Variants in CTBP1 observed in about 807,000 individuals in gnomAD.
CTBP1 encodes C-terminal binding protein 1, also known as C-terminal-binding protein 1.
In CTBP1, 11 loss-of-function variants were observed where a neutral mutation model predicts 42.1. The observed-to-expected ratio is 0.26, with a 90% CI of 0.16 to 0.43. The LOEUF is 0.43. CTBP1 is among the 20% of genes least tolerant of loss of function. CTBP1 has a pLI of 1.00. For synonymous variants in CTBP1, 324 were observed against 277.1 expected (o/e 1.17, Z -1.68); for missense variants, 399 against 624.3 (o/e 0.64, Z 3.85).
At chr4:1,241,941 G>A (rs749252897) in intron 1 of CTBP1, 103 of 1,028,890 alleles carry the variant, frequency 1.0e-4, no homozygotes, top group Non-Finnish European at 1.1e-4. Context: ...TCATGTCACT[G>A]ATTCCCGGGC....
At chr4:1,225,828 G>A (rs1023622038) in intron 4 of CTBP1, among the ~76,000 whole-genome samples, 11 of 152,236 alleles carry the variant, frequency 7.2e-5, no homozygotes, top group African/African-American at 2.4e-4. Flanking sequence ...GGTAGGGCTG[G>A]GGTGTGAGAC....
chr4:1,211,946 C>G lies in CTBP1; in HGVS notation c.*294G>C, dbSNP rs1219355070. The G allele has an allele frequency of 7.0e-6, 2 of 287,094 alleles. No homozygotes were observed. The highest frequency in any genetic ancestry group is 1.3e-5 in the Non-Finnish European group (2 of 156,586). 17.8% of individuals were successfully genotyped at this position (287,094 alleles called of 1,614,324 possible). A position where few individuals can be genotyped will look rare whatever the true frequency, so the allele number is the denominator to read the frequency against. On this transcript the variant is annotated 3_prime_UTR_variant, in exon 10 of 10. Transcript: ENST00000382952. Reference sequence around the variant, plus strand: ...GGTTTTCTTTTTGTTGACAGCTAAGCAAACAGATCCTTTGTAATGTTCTAA... The same window carrying G: ...GGTTTTCTTTTTGTTGACAGCTAAGGAAACAGATCCTTTGTAATGTTCTAA...
rs142091118 is a variant in CTBP1, at chr4:1,241,483, G to T, written c.-152C>A. On this transcript the variant is annotated 5_prime_UTR_variant, in exon 2 of 10. Transcript: ENST00000382952. The stretch of plus-strand genomic sequence containing the variant: ...CAAAGTGCTCAGGCTTCTGATCCGC[G>T]GCAATCACTGAAGCCTGCGTCGGGG... 1.2e-6 allele frequency: 2 copies of T among 1,603,898 alleles called. No homozygotes were observed. The highest frequency in any genetic ancestry group is 1.7e-6 in the Non-Finnish European group (2 of 1,176,862).
intron 9 of CTBP1, 154 bp from the exon 10 acceptor site, chr4:1,212,577 T>G (rs952551525): frequency 1.4e-6 from 1 of 706,384 alleles, no homozygotes; most frequent in Non-Finnish European, 2.2e-6. Flanking sequence ...TTCCTGCCTA[T>G]GGCAGCTACT....
At chr4:1,228,418 C>G in intron 3 of CTBP1, 75 bp from the exon 4 acceptor site, 4 of 1,541,614 alleles carry the variant, frequency 2.6e-6, no homozygotes. Flanking sequence ...GTGGGGCTGC[C>G]CCGGCTGGGA....
At chr4:1,246,528 A>G (rs985323579) in intron 1 of CTBP1, among the ~76,000 whole-genome samples, 1 of 152,196 alleles carries the variant, frequency 6.6e-6, no homozygotes, top group Non-Finnish European at 1.5e-5. Context: ...CTGCATGGGG[A>G]GCACCAGGGC....
At position 1,233,814 on chromosome 4, in the gene CTBP1, G is replaced by A. The variant is rs1006393189; in HGVS notation, c.162+4369C>T. 6.6e-5 allele frequency among the ~76,000 whole-genome samples: 10 copies of A among 152,332 alleles called. No homozygotes were observed. The highest frequency in any genetic ancestry group is 3.9e-4 in the Admixed American group (6 of 15,298). On this transcript the variant is annotated intron_variant, in intron 3 of 9. Transcript: ENST00000382952. The surrounding 1 kb of genome is among the most constrained non-coding windows in gnomAD (Gnocchi z 4.6). The stretch of plus-strand genomic sequence containing the variant: ...GGCGGCGACCTCCAACCAGCTATGC[G>A]GGAAGTTTCTGCCCCAGGAGGCAGA...
chr4:1,241,869 G>C, intron 1 of CTBP1: 1 of 1,119,792 alleles, frequency 8.9e-7, no homozygotes, highest in Non-Finnish European at 1.1e-6. Flanking sequence ...AGGGCACAGG[G>C]TGTGTGCTGT....
At position 1,240,121 on chromosome 4, in the gene CTBP1, G is replaced by A. The variant is rs188642111; in HGVS notation, c.7+1204C>T. The stretch of plus-strand genomic sequence containing the variant: ...CAGACCGCTCGGCTGCGTCAGAACC[G>A]CCTGGGGGGACTCCTGGGTGCTGGG... On this transcript the variant is annotated intron_variant, in intron 2 of 9. Coordinates refer to ENST00000382952, the MANE Select transcript of CTBP1 (RefSeq NM_001012614.2). 7.1e-4 allele frequency among the ~76,000 whole-genome samples: 108 copies of A among 152,300 alleles called. 1 individual carries two copies. In the East Asian group the frequency reaches 0.02, roughly 28 times the overall value.
intron 3 of CTBP1, among the ~76,000 whole-genome samples, chr4:1,231,330 T>C (rs1277117591): frequency 1.3e-5 from 2 of 152,306 alleles, no homozygotes; most frequent in East Asian, 3.9e-4. Flanking sequence ...CAGCCAGGTG[T>C]GTCCCTTTAG....
At position 1,223,411 on chromosome 4, in the gene CTBP1, C is replaced by T. The variant is rs1008190520; in HGVS notation, c.514+1949G>A. 9.9e-5 allele frequency: 45 copies of T among 455,536 alleles called. 3 individuals carry two copies. Among genetic ancestry groups the T allele is most frequent in the Admixed American group, 7.1e-5 (3 of 42,318 alleles). 28.2% of individuals were successfully genotyped at this position (455,536 alleles called of 1,614,324 possible). On this transcript the variant is annotated intron_variant, in intron 5 of 9. Transcript: ENST00000382952. ...TCCATGCACATCCGTGAACCAACCTCTCCCACTAACCTAGGTGTGGCCGCC... is the reference window on the plus strand; with the variant it reads ...TCCATGCACATCCGTGAACCAACCTTTCCCACTAACCTAGGTGTGGCCGCC...
intron 5 of CTBP1, chr4:1,218,000 G>T (rs80061036): frequency 3.3e-5 from 5 of 152,200 alleles, no homozygotes; most frequent in African/African-American, 9.7e-5. Context: ...CCTCTGAAAC[G>T]GAACTCCCTG....
At chr4:1,218,424 A>G (rs1003353156) in intron 5 of CTBP1, 1 of 152,040 alleles carries the variant, frequency 6.6e-6, no homozygotes, top group African/African-American at 2.4e-5. Flanking sequence ...AAAAGGCAAC[A>G]CATTTTCGGA....
At chr4:1,242,376 C>T (rs1732267750) in intron 1 of CTBP1, 1 of 985,218 alleles carries the variant, frequency 1.0e-6, no homozygotes, top group African/African-American at 1.7e-5. Context: ...AGGAGCCGGC[C>T]ACCACCAGCC....
At chr4:1,224,541 G>A (rs1680060) in intron 5 of CTBP1, among the ~76,000 whole-genome samples, 105,670 of 150,930 alleles carry the variant, frequency 0.7, 39,154 homozygotes, top group Non-Finnish European at 0.84. Flanking sequence ...CATCCGTGCA[G>A]GCCCGTGAGG....
intron 3 of CTBP1, chr4:1,237,288 C>A (rs1487405462): frequency 1.5e-6 from 1 of 671,864 alleles, no homozygotes; most frequent in Non-Finnish European, 2.7e-6. Context: ...TCAGGGAAAA[C>A]CCGGTGTCCA....
chr4:1,223,499 C>T (rs1410632586), intron 5 of CTBP1: 2 of 455,996 alleles, frequency 4.4e-6, no homozygotes, highest in Non-Finnish European at 8.8e-6. Context: ...CAGCGGTCAG[C>T]AGGAGTGGGC....
At chr4:1,245,053 C>A in intron 1 of CTBP1, 1 of 985,422 alleles carries the variant, frequency 1.0e-6, no homozygotes, top group Non-Finnish European at 1.2e-6. Context: ...GCCAAGAGAA[C>A]CTCCCCCAGA....
At chr4:1,227,723 G>C (rs887337756) in intron 4 of CTBP1, among the ~76,000 whole-genome samples, 1 of 151,642 alleles carries the variant, frequency 6.6e-6, no homozygotes, top group African/African-American at 2.4e-5. Context: ...CGTGTTCCGT[G>C]TGTGTTCTGT....
Sources: gnomAD v4.1 joint callset for allele counts (sites outside exome capture counted in the v4.1 genomes callset) on GRCh38, gnomAD v4.1.1 for gene constraint, Gnocchi (gnomAD v3.1) non-coding constraint, MANE v1.5 for transcripts, NCBI Gene and HGNC (gene_info 2026-07-23, HGNC 2026-07-21) for gene names.